JAZF1: variants seen among roughly 807,000 people sequenced by gnomAD.
The protein encoded by JAZF1 is juxtaposed with another zinc finger protein 1.
JAZF1 carries 8 observed loss-of-function variants against 26.4 expected under a neutral mutation model. The observed-to-expected ratio is 0.30, with a 90% confidence interval of 0.18 to 0.55. The LOEUF (loss-of-function observed/expected upper bound fraction) is 0.55, where lower values mean the gene tolerates loss of function less well. JAZF1 is among the 20% of genes least tolerant of loss of function. The pLI, the probability that JAZF1 is intolerant of heterozygous loss-of-function variation, is 0.94. For synonymous variants in JAZF1, 126 were observed against 122.3 expected, an observed-to-expected ratio of 1.03 and a Z score of -0.20; for missense variants, 199 against 322.0, an observed-to-expected ratio of 0.62 and a Z score of 2.92.
chr7:28,020,578 G>T (rs1782990292), intron 1 of JAZF1: 1 of 471,066 alleles, frequency 2.1e-6, no homozygotes, highest in African/African-American at 2.0e-5. Context: ...GCATGGACAT[G>T]CATATTCGTA....
chr7:27,997,248 G>A (rs538440315), intron 1 of JAZF1, among the ~76,000 whole-genome samples: 1 of 152,198 alleles, frequency 6.6e-6, no homozygotes, highest in East Asian at 1.9e-4. Flanking sequence ...CCTGAAAATA[G>A]GGGGGTTGTT....
In JAZF1 at chr7:28,128,426, G is replaced by A. The variant is rs562533820; in HGVS notation, c.115+52037C>T. On this transcript the variant is annotated intron_variant, in intron 1 of 4. Transcript: ENST00000283928. The stretch of plus-strand genomic sequence containing the variant: ...AGTCCCAGCTACTTGGGAGGCTGAG[G>A]GAGAAGAATCGCTTGAATCTGGGTG... Among the ~76,000 whole-genome samples, 15 of 152,282 alleles carry A rather than the reference G, an allele frequency of 9.9e-5. No individual in the cohort carries two copies. In the East Asian group the frequency reaches 1.7e-3, roughly 18 times the overall value.
intron 3 of JAZF1, chr7:27,843,838 C>T (rs1019529289): frequency 6.6e-6 from 1 of 152,260 alleles, no homozygotes; most frequent in African/African-American, 2.4e-5. Flanking sequence ...TAACTGAGTT[C>T]CTGTTTTTAG....
chr7:28,035,704 A>G (rs915133267), intron 1 of JAZF1, among the ~76,000 whole-genome samples: 1 of 152,172 alleles, frequency 6.6e-6, no homozygotes, highest in African/African-American at 2.4e-5. Context: ...ACATGTACTC[A>G]TTAGTGAGTA....
chr7:28,111,416 C>G (rs1025338027), intron 1 of JAZF1, among the ~76,000 whole-genome samples: 6 of 152,018 alleles, frequency 3.9e-5, no homozygotes. Flanking sequence ...TTTATTAATT[C>G]ATTTGGTGAG....
At chr7:28,128,725 G>A (rs1782740716) in intron 1 of JAZF1, among the ~76,000 whole-genome samples, 1 of 152,150 alleles carries the variant, frequency 6.6e-6, no homozygotes, top group East Asian at 1.9e-4. Flanking sequence ...TATATTTGCT[G>A]AGTTTATACT....
intron 1 of JAZF1, among the ~76,000 whole-genome samples, chr7:27,994,775 C>T (rs915487345): frequency 1.2e-4 from 18 of 152,122 alleles, no homozygotes; most frequent in Non-Finnish European, 1.6e-4. Flanking sequence ...TGCTTCCTGG[C>T]GGGCTGGTGT....
chr7:28,068,654 T>C (rs1783924110), intron 1 of JAZF1, among the ~76,000 whole-genome samples: 2 of 152,070 alleles, frequency 1.3e-5, no homozygotes, highest in African/African-American at 4.8e-5. Context: ...GAGATACTTT[T>C]CCATACAAGC....
Position 27,964,839 on chromosome 7 carries a change from G to C in JAZF1, c.188+27070C>G, listed in dbSNP as rs191106856. Among the ~76,000 whole-genome samples the C allele has an allele frequency of 9.2e-5, 14 of 152,030 alleles. No individual in the cohort carries two copies. In the East Asian group the frequency reaches 2.5e-3, roughly 27 times the overall value. On this transcript the variant is annotated intron_variant, in intron 2 of 4. Coordinates refer to ENST00000283928, the MANE Select transcript of JAZF1 (RefSeq NM_175061.4). ...TAGTCCTTAAAATATTGGCTAAAAT[G>C]GTCAAACTAATCTCAATAAAAGTCA...
intron 1 of JAZF1, among the ~76,000 whole-genome samples, chr7:28,112,009 A>G (rs986309140): frequency 6.6e-6 from 1 of 152,164 alleles, no homozygotes; most frequent in Admixed American, 6.5e-5. Flanking sequence ...CCAACTCTAG[A>G]GCTGTTTTTT....
At chr7:27,856,387 T>C (rs889664311) in intron 3 of JAZF1, among the ~76,000 whole-genome samples, 1 of 151,916 alleles carries the variant, frequency 6.6e-6, no homozygotes, top group Non-Finnish European at 1.5e-5. Flanking sequence ...ACCCAAAGAG[T>C]GAGCAGCAGC....
chr7:28,109,085 G>C (rs558965572), intron 1 of JAZF1, among the ~76,000 whole-genome samples: 15 of 152,324 alleles, frequency 9.8e-5, no homozygotes, highest in African/African-American at 3.6e-4. Context: ...GAAGCCATTA[G>C]CTAAAGGATA....
At chr7:28,065,158 C>T (rs77194339) in intron 1 of JAZF1, among the ~76,000 whole-genome samples, 3,598 of 152,172 alleles carry the variant, frequency 0.024, 149 homozygotes, top group African/African-American at 0.082. Context: ...TCTCCCTAAG[C>T]GCTGATAAGG....
At chr7:28,103,980 C>T (rs1433042569) in intron 1 of JAZF1, among the ~76,000 whole-genome samples, 2 of 152,202 alleles carry the variant, frequency 1.3e-5, no homozygotes, top group Non-Finnish European at 2.9e-5. Context: ...TGGGTGCCCA[C>T]CACGACCTTA....
At chr7:27,952,563 A>T in intron 2 of JAZF1, among the ~76,000 whole-genome samples, 1 of 152,258 alleles carries the variant, frequency 6.6e-6, no homozygotes, top group East Asian at 1.9e-4. Flanking sequence ...ATCTGGCTAC[A>T]AGAAGTTAAA....
At chr7:28,061,602 G>A (rs943103982) in intron 1 of JAZF1, among the ~76,000 whole-genome samples, 37 of 152,312 alleles carry the variant, frequency 2.4e-4, no homozygotes, top group African/African-American at 8.7e-4. Flanking sequence ...AGGTGAGCAT[G>A]TTAATAGCAA....
intron 1 of JAZF1, among the ~76,000 whole-genome samples, chr7:28,081,982 AG>A (rs1784144344): frequency 6.6e-6 from 1 of 152,218 alleles, no homozygotes; most frequent in Non-Finnish European, 1.5e-5. Flanking sequence ...AGTAATATTA[AG>A]GGGCTAAATA....
chr7:28,116,121 A>C lies in JAZF1; in HGVS notation c.115+64342T>G, dbSNP rs943429878. 3.3e-5 allele frequency among the ~76,000 whole-genome samples: 5 copies of C among 152,344 alleles called. No homozygotes were observed. In the South Asian group the frequency reaches 1.0e-3, roughly 32 times the overall value. The stretch of plus-strand genomic sequence containing the variant: ...TGGTCTAATGAGACACCTACTCTAT[A>C]GGTCACTGCATATGTATTCAGATGT... On this transcript the variant is annotated intron_variant, in intron 1 of 4. Coordinates refer to ENST00000283928, the MANE Select transcript of JAZF1 (RefSeq NM_175061.4).
intron 1 of JAZF1, among the ~76,000 whole-genome samples, chr7:28,015,033 A>AGG (rs567953384): frequency 1.3e-4 from 18 of 140,780 alleles, no homozygotes; most frequent in African/African-American, 5.1e-4. Flanking sequence ...GAAAGTGTGT[A>AGG]TGTGTGTGTG....
Sources: gnomAD v4.1 joint callset for allele counts (sites outside exome capture counted in the v4.1 genomes callset) on GRCh38, gnomAD v4.1.1 for gene constraint, MANE v1.5 for transcripts, NCBI Gene and HGNC (gene_info 2026-07-23, HGNC 2026-07-21) for gene names.